The following TMEM233 variants were observed in gnomAD, a reference collection of about 807,000 sequenced individuals.
TMEM233 encodes transmembrane protein 233.
Under a neutral mutation model 11.2 loss-of-function variants are expected in TMEM233, and 6 were observed. That is an observed-to-expected ratio of 0.54 (90% CI 0.29 to 1.06). TMEM233 has a LOEUF of 1.06. TMEM233 is among the 50% of genes least tolerant of loss of function. The pLI is 0.08. For synonymous variants in TMEM233, 59 were observed against 55.8 expected (o/e 1.06, Z -0.26); for missense variants, 127 against 144.7 (o/e 0.88, Z 0.63).
intron 2 of TMEM233, among the ~76,000 whole-genome samples, chr12:119,630,209 TATAAAGAAATACC>T (rs1954850806): frequency 6.6e-6 from 1 of 152,258 alleles, no homozygotes; most frequent in South Asian, 2.1e-4. Flanking sequence ...TCTGCATTGC[TATAAAGAAATACC>T]TCAGACTGAG....
intron 1 of TMEM233, among the ~76,000 whole-genome samples, chr12:119,617,790 G>A (rs771761913): frequency 6.6e-6 from 1 of 152,182 alleles, no homozygotes; most frequent in East Asian, 1.9e-4. Flanking sequence ...CCAAGATCAC[G>A]CCATTGCACT....
downstream of TMEM233, among the ~76,000 whole-genome samples, chr12:119,645,033 C>A (rs1380833677): frequency 6.6e-6 from 1 of 152,184 alleles, no homozygotes; most frequent in Non-Finnish European, 1.5e-5. Flanking sequence ...CAGGAGAACA[C>A]ACTGGCTGTA....
At position 119,640,861 on chromosome 12, in the gene TMEM233, A is replaced by T; in HGVS notation, c.*156A>T. On this transcript the variant is annotated 3_prime_UTR_variant, in exon 3 of 3. Transcript: ENST00000426426. The stretch of plus-strand genomic sequence containing the variant: ...GGTCCCTGGCAAATGAACAAGAAAA[A>T]AAAAAAAAAAAAGTCCAAAATTTAG... The T allele has an allele frequency of 1.8e-6, 1 of 547,720 alleles. No individual in the cohort carries two copies. Among genetic ancestry groups the T allele is most frequent in the Non-Finnish European group, 2.8e-6 (1 of 351,962 alleles). The allele number at this position is 547,720 out of a possible 1,614,324, so 33.9% of individuals were successfully genotyped here.
intron 1 of TMEM233, among the ~76,000 whole-genome samples, chr12:119,624,371 A>C (rs903104364): frequency 6.6e-6 from 1 of 151,964 alleles, no homozygotes; most frequent in East Asian, 1.9e-4. Flanking sequence ...AAAAAAAAAA[A>C]ATTTTAATGA....
chr12:119,621,508 G>GA (rs11321725), intron 1 of TMEM233, among the ~76,000 whole-genome samples: 11 of 151,254 alleles, frequency 7.3e-5, no homozygotes, highest in Admixed American at 2.6e-4. Context: ...AACAAAGAGA[G>GA]AAAAAAAAAA....
At chr12:119,632,388 G>T (rs939936714) in intron 2 of TMEM233, among the ~76,000 whole-genome samples, 2 of 152,186 alleles carry the variant, frequency 1.3e-5, no homozygotes, top group Admixed American at 6.5e-5. Flanking sequence ...ACTCTGCACT[G>T]CCGCTAAGTC....
intron 1 of TMEM233, among the ~76,000 whole-genome samples, chr12:119,620,127 A>G (rs1301363369): frequency 1.3e-5 from 2 of 152,214 alleles, no homozygotes; most frequent in East Asian, 3.8e-4. Context: ...CTGGAGGTGA[A>G]AAGTCCTCTG....
intron 1 of TMEM233, among the ~76,000 whole-genome samples, chr12:119,620,126 A>G (rs964507894): frequency 6.6e-6 from 1 of 152,236 alleles, no homozygotes; most frequent in African/African-American, 2.4e-5. Context: ...GCTGGAGGTG[A>G]AAAGTCCTCT....
chr12:119,628,522 T>C (rs9668711), intron 1 of TMEM233, among the ~76,000 whole-genome samples: 96,349 of 122,074 alleles, frequency 0.79, 37,931 homozygotes, highest in Middle Eastern at 0.87. Flanking sequence ...TTTTTTGAGA[T>C]GGAGTCTTGC....
intron 1 of TMEM233, among the ~76,000 whole-genome samples, chr12:119,621,299 A>C (rs1954637333): frequency 6.6e-6 from 1 of 152,138 alleles, no homozygotes; most frequent in South Asian, 2.1e-4. Flanking sequence ...TTGGCCTCCC[A>C]AAGTGTTGGG....
intron 1 of TMEM233, among the ~76,000 whole-genome samples, chr12:119,620,757 G>A (rs1294903727): frequency 6.6e-6 from 1 of 152,190 alleles, no homozygotes; most frequent in African/African-American, 2.4e-5. Flanking sequence ...TAATCACGAA[G>A]GGGGAAAGGA....
At chr12:119,637,527 G>T (rs1954989840) in intron 2 of TMEM233, among the ~76,000 whole-genome samples, 1 of 152,184 alleles carries the variant, frequency 6.6e-6, no homozygotes, top group South Asian at 2.1e-4. Context: ...ACATATCAAG[G>T]TGGAACTTGA....
intron 1 of TMEM233, among the ~76,000 whole-genome samples, chr12:119,599,886 T>G (rs1011474863): frequency 6.6e-6 from 1 of 152,026 alleles, no homozygotes; most frequent in Admixed American, 6.6e-5. Flanking sequence ...AGAGAAGGGT[T>G]TAGGTGCCAA....
At chr12:119,631,485 CAAAT>C (rs1566112294) in intron 2 of TMEM233, 1 of 984,886 alleles carries the variant, frequency 1.0e-6, no homozygotes, top group African/African-American at 1.7e-5. Flanking sequence ...TGGCTTTGGC[CAAAT>C]AAAAGAGAAA....
chr12:119,598,549 GTCTT>G (rs1377427889), intron 1 of TMEM233, among the ~76,000 whole-genome samples: 1 of 152,124 alleles, frequency 6.6e-6, no homozygotes, highest in Admixed American at 6.5e-5. Flanking sequence ...AGTACTTTGA[GTCTT>G]TCCACCAAAT....
rs981940791 is a variant in TMEM233 at position 119,595,684 on chromosome 12, G to A, written c.186+1650G>A. 1.3e-5 allele frequency among the ~76,000 whole-genome samples: 2 copies of A among 152,164 alleles called. No individual in the cohort carries two copies. Among genetic ancestry groups the A allele is most frequent in the Admixed American group, 6.5e-5 (1 of 15,290 alleles). ...ATAATTGTAAAGTGCTTAGAACAGT[G>A]ACCAGCACGGTATCTTTACAAAATC... On this transcript the variant is annotated intron_variant, in intron 1 of 2. Transcript: ENST00000426426. This position sits in a 1 kb window ranked among gnomAD's most constrained non-coding sequence, Gnocchi z 4.3.
At chr12:119,626,688 C>T (rs1302722229) in intron 1 of TMEM233, among the ~76,000 whole-genome samples, 1 of 152,140 alleles carries the variant, frequency 6.6e-6, no homozygotes, top group African/African-American at 2.4e-5. Context: ...TCAAGATTCT[C>T]TTATTATTAA....
At position 119,594,230 on chromosome 12, in the gene TMEM233, G is replaced by A; in HGVS notation, c.186+196G>A. 1.7e-6 allele frequency: 1 copy of A among 600,558 alleles called. No homozygotes were observed. The highest frequency in any genetic ancestry group is 2.9e-6 in the Non-Finnish European group (1 of 339,950). The allele number at this position is 600,558 out of a possible 1,614,324, so 37.2% of individuals were successfully genotyped here. ...CCCCGCAATCATCAGCACCTCCTCT[G>A]CACTCCTCGTGGTACTCAGAGCCCT... On this transcript the variant is annotated intron_variant, in intron 1 of 2. Coordinates refer to ENST00000426426, the MANE Select transcript of TMEM233 (RefSeq NM_001136534.3). This position sits in a 1 kb window ranked among gnomAD's most constrained non-coding sequence, Gnocchi z 5.6.
intron 1 of TMEM233, among the ~76,000 whole-genome samples, chr12:119,619,436 T>C (rs1265227852): frequency 6.6e-6 from 1 of 152,012 alleles, no homozygotes; most frequent in East Asian, 1.9e-4. Context: ...AGCTCTGAAG[T>C]TCAAGACCAG....
Sources: gnomAD v4.1 joint callset for allele counts (sites outside exome capture counted in the v4.1 genomes callset) on GRCh38, gnomAD v4.1.1 for gene constraint, Gnocchi (gnomAD v3.1) non-coding constraint, MANE v1.5 for transcripts, NCBI Gene and HGNC (gene_info 2026-07-23, HGNC 2026-07-21) for gene names.